Variants in RYK observed in about 807,000 individuals in gnomAD.
RYK encodes receptor like tyrosine kinase.
A neutral mutation model predicts 70.2 loss-of-function variants in RYK; 21 were observed. The ratio of observed to expected loss-of-function variants is 0.30; its 90% CI spans 0.21 to 0.43. The LOEUF (loss-of-function observed/expected upper bound fraction) is 0.43. RYK is among the 20% of genes least tolerant of loss of function. The pLI, the probability that RYK is intolerant of heterozygous loss-of-function variation, is 1.00. For synonymous variants in RYK, 267 were observed against 278.0 expected (o/e 0.96, Z 0.39); for missense variants, 604 against 753.3 (o/e 0.80, Z 2.32).
chr3:134,181,234 G>A (rs1263162176), intron 10 of RYK: 2 of 152,174 alleles, frequency 1.3e-5, no homozygotes, highest in African/African-American at 4.8e-5. Context: ...TCTCCCTAGA[G>A]TCAGTGTAAT....
intron 2 of RYK, among the ~76,000 whole-genome samples, chr3:134,214,241 C>T (rs78334307): frequency 0.01 from 1,595 of 152,294 alleles, 29 homozygotes; most frequent in South Asian, 0.099. Flanking sequence ...TATCCTGACA[C>T]GCTAAAGAAT....
At chr3:134,238,607 G>C (rs1336886999) in intron 1 of RYK, among the ~76,000 whole-genome samples, 1 of 152,162 alleles carries the variant, frequency 6.6e-6, no homozygotes, top group Non-Finnish European at 1.5e-5. Context: ...CCAGGAATCT[G>C]CAGGCACTAA....
Position 134,177,989 on chromosome 3 carries a change from A to C in RYK, c.1257T>G (p.Leu419=). 3 of 1,613,156 alleles carry C rather than the reference A, an allele frequency of 1.9e-6. No individual in the cohort carries two copies. Among genetic ancestry groups the C allele is most frequent in the Non-Finnish European group, 2.5e-6 (3 of 1,179,384 alleles). ...VILPYMNWGN[L]KLFLRQCKLV... is the part of the protein sequence containing the mutation. The stretch of plus-strand genomic sequence containing the variant: ...ACTTGCACTGTCGTAAAAACAATTT[A>C]AGATTCCCCCAATTCATGTAAGGCA... Residue 419 remains leucine (L), a synonymous_variant, in exon 11 of 15, where the codon CTT becomes CTG. Transcript: ENST00000623711.
chr3:134,208,696 A>C (rs2014291780), intron 4 of RYK, among the ~76,000 whole-genome samples: 1 of 152,190 alleles, frequency 6.6e-6, no homozygotes, highest in South Asian at 2.1e-4. Context: ...TATTAAAAGA[A>C]AGTTTAACAA....
intron 4 of RYK, among the ~76,000 whole-genome samples, chr3:134,208,185 T>C (rs912634375): frequency 2.0e-5 from 3 of 152,242 alleles, no homozygotes; most frequent in Admixed American, 6.5e-5. Context: ...GGAGAAAGTA[T>C]GTGACCATTT....
chr3:134,234,977 C>CTA (rs771933917), intron 1 of RYK, among the ~76,000 whole-genome samples: 38 of 152,014 alleles, frequency 2.5e-4, no homozygotes, highest in Non-Finnish European at 4.1e-4. Context: ...ATTAATACAT[C>CTA]TATCAAGATG....
At chr3:134,213,725 T>A (rs534549724) in intron 2 of RYK, among the ~76,000 whole-genome samples, 32 of 152,094 alleles carry the variant, frequency 2.1e-4, no homozygotes, top group Admixed American at 1.0e-3. Context: ...GACAGTAGGG[T>A]CGGCACTCTT....
At chr3:134,237,870 T>C (rs1181037103) in intron 1 of RYK, among the ~76,000 whole-genome samples, 1 of 152,220 alleles carries the variant, frequency 6.6e-6, no homozygotes, top group African/African-American at 2.4e-5. Flanking sequence ...TAAAAATTCA[T>C]TTAGTCAAGA....
chr3:134,192,104 C>T, intron 7 of RYK, 130 bp from the exon 8 acceptor site: 3 of 841,198 alleles, frequency 3.6e-6, no homozygotes. Context: ...AGGAAACAGG[C>T]ATATATATGA....
chr3:134,218,725 G>C (rs889142513), intron 2 of RYK, among the ~76,000 whole-genome samples: 11 of 152,314 alleles, frequency 7.2e-5, no homozygotes, highest in Admixed American at 2.0e-4. Context: ...AGTAGCAACA[G>C]AGAAGCCTAA....
chr3:134,213,540 G>C (rs2014463753), intron 2 of RYK, among the ~76,000 whole-genome samples: 1 of 151,346 alleles, frequency 6.6e-6, no homozygotes, highest in Non-Finnish European at 1.5e-5. Flanking sequence ...GAACACTGTT[G>C]CAGGCCTTCT....
chr3:134,171,351 C>T (rs2012900032), intron 13 of RYK, among the ~76,000 whole-genome samples: 1 of 152,190 alleles, frequency 6.6e-6, no homozygotes, highest in African/African-American at 2.4e-5. Context: ...TCAACATGAA[C>T]TTTGCCAGCT....
At chr3:134,207,368 T>C (rs1250768040) in intron 5 of RYK, 104 bp downstream of exon 5, 3 of 591,298 alleles carry the variant, frequency 5.1e-6, no homozygotes, top group Middle Eastern at 3.8e-4. Context: ...GGTGTCATTA[T>C]CATTTGATAC....
At chr3:134,206,898 A>G (rs533021641) in intron 5 of RYK, among the ~76,000 whole-genome samples, 1 of 152,276 alleles carries the variant, frequency 6.6e-6, no homozygotes, top group South Asian at 2.1e-4. Context: ...GTCTACTTGC[A>G]TGAAGAGAAT....
chr3:134,221,309 A>T (rs1034472362), intron 2 of RYK, among the ~76,000 whole-genome samples: 4 of 138,568 alleles, frequency 2.9e-5, no homozygotes, highest in African/African-American at 8.3e-5. Context: ...GGTTCAAGTG[A>T]TTCTCCTGCC....
chr3:134,242,697 A>G (rs1301059857), intron 1 of RYK, among the ~76,000 whole-genome samples: 1 of 152,236 alleles, frequency 6.6e-6, no homozygotes, highest in East Asian at 1.9e-4. Context: ...AGGTGCCTGA[A>G]TAAATACTCA....
rs557998160 is a variant in RYK, at chr3:134,198,472, A to AT, written c.789-3291dup. On this transcript the variant is annotated intron_variant, in intron 6 of 14. Transcript: ENST00000623711. ...CTGTGACCCCTACATTCCAGTAAGG[A>AT]TTTTTTTTGTTTAATATCTGTCTCA... Among the ~76,000 whole-genome samples the AT allele has an allele frequency of 2.9e-3, 448 of 152,216 alleles. 1 individual carries two copies. Among genetic ancestry groups the AT allele is most frequent in the African/African-American group, 0.01 (418 of 41,534 alleles).
chr3:134,221,439 G>A (rs2014735195), intron 2 of RYK, among the ~76,000 whole-genome samples: 1 of 151,858 alleles, frequency 6.6e-6, no homozygotes, highest in African/African-American at 2.4e-5. Flanking sequence ...TCCTGACCTT[G>A]TGATCCACCT....
intron 1 of RYK, among the ~76,000 whole-genome samples, chr3:134,247,742 T>C (rs1334569844): frequency 6.6e-6 from 1 of 152,068 alleles, no homozygotes; most frequent in Non-Finnish European, 1.5e-5. Context: ...TAAAACTATA[T>C]GCATATATTA....
Sources: allele counts gnomAD v4.1 joint callset (sites outside exome capture counted in the v4.1 genomes callset), GRCh38; gene constraint gnomAD v4.1.1; transcripts MANE v1.5; gene names NCBI Gene and HGNC (gene_info 2026-07-23, HGNC 2026-07-21).